CERT1: variants seen among roughly 807,000 people sequenced by gnomAD.
The protein encoded by CERT1 is ceramide transporter 1.
CERT1 carries 31 observed loss-of-function variants against 87.9 expected under a neutral mutation model. That is an observed-to-expected ratio of 0.35 (90% CI 0.27 to 0.48). The LOEUF is 0.48. CERT1 is among the 20% of genes least tolerant of loss of function. The pLI is 0.99. For synonymous variants in CERT1, 289 were observed against 250.9 expected (o/e 1.15, Z -1.44); for missense variants, 487 against 758.0 (o/e 0.64, Z 4.20).
chr5:75,403,008 T>C lies in CERT1; in HGVS notation c.981A>G (p.Glu327=). The C allele has an allele frequency of 6.2e-7, 1 of 1,613,244 alleles. No homozygotes were observed. Among genetic ancestry groups the C allele is most frequent in the East Asian group, 2.2e-5 (1 of 44,820 alleles). ...TTTTATCTTGTCTGTCAAGAGCAGC[T>C]TCAACAGCATCAAAGAACTCTTCTT... ...INEEEFFDAV[E]AALDRQDKIE... The change falls in exon 9 of 17, where the codon GAA becomes GAG. Residue 327 remains glutamate, a synonymous_variant. Coordinates refer to ENST00000643780, the MANE Select transcript of CERT1 (RefSeq NM_001379029.1).
chr5:75,403,489 G>C (rs1762581961), intron 8 of CERT1, among the ~76,000 whole-genome samples: 1 of 152,260 alleles, frequency 6.6e-6, no homozygotes, highest in African/African-American at 2.4e-5. Context: ...CTGGAAAACA[G>C]TGATGCTCAT....
intron 7 of CERT1, among the ~76,000 whole-genome samples, chr5:75,413,125 A>G (rs1762997911): frequency 6.6e-6 from 1 of 152,166 alleles, no homozygotes; most frequent in Non-Finnish European, 1.5e-5. Context: ...GTTATAAACT[A>G]AGAGACAACA....
At chr5:75,461,416 A>G (rs971814662) in intron 2 of CERT1, among the ~76,000 whole-genome samples, 1 of 152,228 alleles carries the variant, frequency 6.6e-6, no homozygotes, top group Non-Finnish European at 1.5e-5. Context: ...CACTACATGG[A>G]AAAATTGTCT....
intron 11 of CERT1, among the ~76,000 whole-genome samples, chr5:75,394,530 C>A (rs983001469): frequency 6.6e-6 from 1 of 152,048 alleles, no homozygotes; most frequent in East Asian, 1.9e-4. Flanking sequence ...GCAGCCTGGG[C>A]AACACAGTGA....
At chr5:75,389,442 T>C (rs1459524051) in intron 12 of CERT1, 150 bp downstream of exon 12, 2 of 532,166 alleles carry the variant, frequency 3.8e-6, no homozygotes, top group Non-Finnish European at 6.6e-6. Context: ...AGACATTTTA[T>C]TGCTCAATAT....
intron 6 of CERT1, 73 bp downstream of exon 6, chr5:75,419,268 T>G: frequency 2.1e-6 from 2 of 963,844 alleles, no homozygotes; most frequent in South Asian, 3.2e-5. Context: ...ATCAGGTAAT[T>G]ATTTCTTGTG....
chr5:75,465,216 A>C (rs1052210631), intron 2 of CERT1, among the ~76,000 whole-genome samples: 15 of 152,200 alleles, frequency 9.9e-5, no homozygotes, highest in African/African-American at 3.6e-4. Flanking sequence ...AGGTTCTACC[A>C]GTCAGAAAAA....
chr5:75,486,826 C>T (rs1160951824), intron 2 of CERT1, among the ~76,000 whole-genome samples: 1 of 151,952 alleles, frequency 6.6e-6, no homozygotes, highest in East Asian at 1.9e-4. Flanking sequence ...ATTCAAGAAA[C>T]TGAAGAGGAC....
intron 7 of CERT1, among the ~76,000 whole-genome samples, chr5:75,414,107 TCA>T (rs1488963162): frequency 6.6e-6 from 1 of 152,150 alleles, no homozygotes; most frequent in Non-Finnish European, 1.5e-5. Context: ...TGAATGAATC[TCA>T]CAGTCAAATG....
At chr5:75,511,825 G>C, upstream of CERT1, 1 of 1,551,204 alleles carries the variant, frequency 6.4e-7, no homozygotes, top group South Asian at 1.2e-5. Flanking sequence ...GGGCGGGGTA[G>C]GGATGCAGCT....
chr5:75,374,676 A>G, downstream of CERT1: 3 of 622,530 alleles, frequency 4.8e-6, no homozygotes, highest in South Asian at 2.7e-5. Context: ...ATGTGAAGCT[A>G]TATTACTGTG....
chr5:75,403,507 T>C (rs1342004823), intron 8 of CERT1, among the ~76,000 whole-genome samples: 1 of 152,262 alleles, frequency 6.6e-6, no homozygotes, highest in African/African-American at 2.4e-5. Context: ...CATTCAGCTA[T>C]ATATTATCTA....
At chr5:75,495,703 C>T (rs975697315) in intron 2 of CERT1, among the ~76,000 whole-genome samples, 33 of 152,230 alleles carry the variant, frequency 2.2e-4, no homozygotes, top group African/African-American at 7.5e-4. Context: ...CTTTAAACAA[C>T]AGAGTGCCAC....
intron 3 of CERT1, among the ~76,000 whole-genome samples, chr5:75,426,825 T>C (rs1035208864): frequency 6.6e-6 from 1 of 152,172 alleles, no homozygotes; most frequent in African/African-American, 2.4e-5. Context: ...GAGTTTCAGC[T>C]GGGGAAGATA....
At chr5:75,490,079 A>G (rs894275490) in intron 2 of CERT1, among the ~76,000 whole-genome samples, 12 of 152,222 alleles carry the variant, frequency 7.9e-5, no homozygotes, top group African/African-American at 2.9e-4. Flanking sequence ...CATCATTCTC[A>G]GCAAACTAAC....
intron 7 of CERT1, among the ~76,000 whole-genome samples, chr5:75,412,673 T>C (rs572624390): frequency 3.2e-4 from 49 of 152,336 alleles, no homozygotes; most frequent in Middle Eastern, 3.4e-3. Flanking sequence ...TTTAACATGA[T>C]GGTTAAGTAT....
chr5:75,370,723 G>A (rs1047459580), intron 17 of CERT1: 1 of 152,106 alleles, frequency 6.6e-6, no homozygotes, highest in African/African-American at 2.4e-5. Context: ...AGGCCCAGGT[G>A]GGTGGATCAT....
At position 75,424,410 on chromosome 5, in the gene CERT1, A is replaced by G. The variant is rs1426253463; in HGVS notation, c.595+951T>C. Among the ~76,000 whole-genome samples, 10 of 152,064 alleles carry G rather than the reference A, an allele frequency of 6.6e-5. No homozygotes were observed. In the East Asian group the frequency reaches 1.6e-3, roughly 24 times the overall value. On this transcript the variant is annotated intron_variant, in intron 5 of 16. Transcript: ENST00000643780. ...TCCTGGCCAAAACCCCGTCTCTACT[A>G]AAAATACAAAAATTAGCTGGGCATG... is the stretch of plus-strand genomic sequence containing the variant.
chr5:75,425,627 T>C (rs1763584021), intron 4 of CERT1, 128 bp from the exon 5 acceptor site: 1 of 786,282 alleles, frequency 1.3e-6, no homozygotes, highest in Non-Finnish European at 2.0e-6. Flanking sequence ...AGGAGAGCTG[T>C]CTAGTTCAAT....
Sources: allele counts gnomAD v4.1 joint callset (sites outside exome capture counted in the v4.1 genomes callset), GRCh38; gene constraint gnomAD v4.1.1; transcripts MANE v1.5; gene names NCBI Gene and HGNC (gene_info 2026-07-23, HGNC 2026-07-21).